The following NTM variants were observed in gnomAD, a reference collection of about 807,000 sequenced individuals.
NTM encodes IgLON family member 2.
A neutral mutation model predicts 42.1 loss-of-function variants in NTM; 13 were observed. That is an observed-to-expected ratio of 0.31 (90% confidence interval 0.20 to 0.49). NTM has a LOEUF of 0.49. NTM is among the 20% of genes least tolerant of loss of function. NTM has a pLI of 0.99. For synonymous variants in NTM, 187 were observed against 179.2 expected (o/e 1.04, Z -0.35); for missense variants, 373 against 452.8 (o/e 0.82, Z 1.60).
At chr11:131,558,521 A>C (rs549424434) in intron 1 of NTM, among the ~76,000 whole-genome samples, 2 of 152,220 alleles carry the variant, frequency 1.3e-5, no homozygotes, top group South Asian at 4.1e-4. Context: ...TAGAGCTACA[A>C]GTCTGTTTGG....
intron 2 of NTM, among the ~76,000 whole-genome samples, chr11:132,040,533 A>T (rs1286370071): frequency 6.6e-6 from 1 of 152,220 alleles, no homozygotes; most frequent in African/African-American, 2.4e-5. Context: ...ATGACAAAAA[A>T]TGTTGGCAAT....
intron 2 of NTM, among the ~76,000 whole-genome samples, chr11:132,052,764 C>G (rs540399588): frequency 1.9e-4 from 27 of 138,892 alleles, no homozygotes; most frequent in African/African-American, 6.7e-4. Context: ...AACGTATTTT[C>G]CAGGCTCACT....
intron 1 of NTM, among the ~76,000 whole-genome samples, chr11:131,590,530 C>T (rs886169655): frequency 2.0e-5 from 3 of 152,166 alleles, no homozygotes; most frequent in Non-Finnish European, 4.4e-5. Flanking sequence ...AAGCAAAGTG[C>T]CAAGCCAGGT....
At chr11:132,052,598 C>T (rs541533557) in intron 2 of NTM, among the ~76,000 whole-genome samples, 31 of 152,272 alleles carry the variant, frequency 2.0e-4, no homozygotes, top group African/African-American at 5.8e-4. Context: ...GGAAATCTAA[C>T]AGACAGGAAT....
chr11:131,424,459 G>T (rs1947845161), intron 1 of NTM, among the ~76,000 whole-genome samples: 1 of 152,054 alleles, frequency 6.6e-6, no homozygotes, highest in Non-Finnish European at 1.5e-5. Flanking sequence ...ACTGAGTTAT[G>T]CACCTTCCTC....
chr11:131,656,674 G>A (rs1311590989), intron 1 of NTM, among the ~76,000 whole-genome samples: 2 of 152,116 alleles, frequency 1.3e-5, no homozygotes, highest in East Asian at 1.9e-4. Context: ...ATAAGAGCTG[G>A]GGAGGAGGAG....
chr11:131,453,968 A>C (rs893283919), intron 1 of NTM, among the ~76,000 whole-genome samples: 1 of 152,162 alleles, frequency 6.6e-6, no homozygotes, highest in Non-Finnish European at 1.5e-5. Context: ...TTCCAGCATC[A>C]TTTCCATCTG....
intron 1 of NTM, among the ~76,000 whole-genome samples, chr11:131,405,733 G>A (rs534506265): frequency 6.6e-6 from 1 of 152,178 alleles, no homozygotes; most frequent in South Asian, 2.1e-4. Context: ...TTTATACTTG[G>A]AATGAAATCC....
chr11:131,718,024 T>A (rs1164240575), intron 1 of NTM, among the ~76,000 whole-genome samples: 1 of 152,214 alleles, frequency 6.6e-6, no homozygotes, highest in Non-Finnish European at 1.5e-5. Context: ...TGATTATTTT[T>A]AATGTTAAAC....
chr11:132,307,759 C>CG lies in NTM; in HGVS notation c.598dup (p.Glu200GlyfsTer7), dbSNP rs1442758291. The CG allele has an allele frequency of 3.1e-6, 5 of 1,614,066 alleles. No individual in the cohort carries two copies. On this transcript the variant is annotated frameshift_variant, in exon 5 of 9. Transcript: ENST00000683400. LOFTEE classifies it high-confidence loss of function. Reference sequence around the variant, plus strand: ...TCACCAGGGAGCAGTCAGGGGACTACGAGTGCAGTGCCTCCAATGACGTGG... The same window carrying CG: ...TCACCAGGGAGCAGTCAGGGGACTACGGAGTGCAGTGCCTCCAATGACGTGG...
chr11:131,572,565 C>T (rs914569829), intron 1 of NTM, among the ~76,000 whole-genome samples: 2 of 152,058 alleles, frequency 1.3e-5, no homozygotes, highest in African/African-American at 4.8e-5. Flanking sequence ...TCATGTAGAG[C>T]ATGTTTCTCT....
chr11:131,655,386 A>G (rs1180328384), intron 1 of NTM, among the ~76,000 whole-genome samples: 1 of 152,188 alleles, frequency 6.6e-6, no homozygotes, highest in Non-Finnish European at 1.5e-5. Context: ...AGAAGATGCT[A>G]ATTAGTAGCA....
In NTM at chr11:131,618,685, C is replaced by T. The variant is rs566282692; in HGVS notation, c.82+247797C>T. On this transcript the variant is annotated intron_variant, in intron 1 of 8. Transcript: ENST00000683400. Reference sequence around the variant, plus strand: ...ATTGAGCTTAAATGCTAGTTACACACGTTCTATAATTGTCTTGCATTTTAG... The same window carrying T: ...ATTGAGCTTAAATGCTAGTTACACATGTTCTATAATTGTCTTGCATTTTAG... Among the ~76,000 whole-genome samples, 147 of 152,300 alleles carry T rather than the reference C, an allele frequency of 9.7e-4. 2 individuals carry two copies. Among genetic ancestry groups the T allele is most frequent in the African/African-American group, 3.5e-3 (145 of 41,574 alleles).
intron 1 of NTM, among the ~76,000 whole-genome samples, chr11:131,401,940 A>T (rs1321023332): frequency 1.4e-5 from 2 of 147,496 alleles, no homozygotes; most frequent in African/African-American, 5.0e-5. Context: ...TTAGTTACAG[A>T]TGTAGGAGAG....
intron 1 of NTM, among the ~76,000 whole-genome samples, chr11:131,708,778 C>T (rs2076836552): frequency 6.6e-6 from 1 of 152,034 alleles, no homozygotes; most frequent in African/African-American, 2.4e-5. Flanking sequence ...ACAACAAAAG[C>T]CTTTGCTCTT....
chr11:132,103,993 C>T (rs865874580), intron 2 of NTM, among the ~76,000 whole-genome samples: 1 of 152,172 alleles, frequency 6.6e-6, no homozygotes, highest in Non-Finnish European at 1.5e-5. Flanking sequence ...TGAAGTTATG[C>T]GTATGGTATA....
chr11:131,554,138 G>A (rs1198568929), intron 1 of NTM, among the ~76,000 whole-genome samples: 1 of 152,186 alleles, frequency 6.6e-6, no homozygotes, highest in African/African-American at 2.4e-5. Flanking sequence ...TACTAACACA[G>A]GTTCATGCTC....
At position 131,370,867 on chromosome 11, in the gene NTM, G is replaced by A; in HGVS notation, c.61G>A (p.Ala21Thr). The change falls in exon 1 of 9, where the codon GCT (alanine) becomes ACT (threonine). Residue 21 changes from alanine (A) to threonine (T), a missense_variant. By Grantham distance (58) the Ala-to-Thr change is moderately conservative (BLOSUM62 0). Around this residue, in one of 3 missense-constraint regions of NTM, gnomAD observed 29 missense variants for 30.4 expected, o/e 0.95. Coordinates refer to ENST00000683400, the MANE Select transcript of NTM (RefSeq NM_001352005.2). ...SISWAIFTGL[A>T]ALCLFQGVPV... is the part of the protein sequence containing the mutation. ...CTCTTGGGCAATCTTCACGGGGCTG[G>A]CTGCTCTGTGTCTCTTCCAAGGTAA... The A allele has an allele frequency of 6.2e-7, 1 of 1,614,134 alleles. No homozygotes were observed. Among genetic ancestry groups the A allele is most frequent in the Non-Finnish European group, 8.5e-7 (1 of 1,179,984 alleles).
At chr11:132,320,541 G>C (rs3099768) in intron 7 of NTM, among the ~76,000 whole-genome samples, 51,834 of 151,826 alleles carry the variant, frequency 0.34, 9,227 homozygotes, top group Non-Finnish European at 0.4. Flanking sequence ...ACGGAGTCTC[G>C]CTGATTGCTA....
Sources: gnomAD v4.1 joint callset for allele counts (sites outside exome capture counted in the v4.1 genomes callset) on GRCh38, gnomAD v4.1.1 for gene constraint, gnomAD v4.1.1 regional missense constraint, MANE v1.5 for transcripts, NCBI Gene and HGNC (gene_info 2026-07-23, HGNC 2026-07-21) for gene names.